Variants in KIF14 observed in about 807,000 individuals in gnomAD.
The protein encoded by KIF14 is kinesin-like protein KIF14.
KIF14 carries 98 observed loss-of-function variants against 176.2 expected under a neutral mutation model. That is an observed-to-expected ratio of 0.56 (90% confidence interval 0.47 to 0.66). The LOEUF (loss-of-function observed/expected upper bound fraction) is 0.66, where lower values mean the gene tolerates loss of function less well. KIF14 is among the 30% of genes least tolerant of loss of function. KIF14 has a pLI of 0.00. For synonymous variants in KIF14, 566 were observed against 632.2 expected (o/e 0.90, Z 1.57); for missense variants, 1,751 against 1,920.4 (o/e 0.91, Z 1.65).
At chr1:200,594,852 C>T (rs1659248465) in intron 14 of KIF14, among the ~76,000 whole-genome samples, 1 of 152,100 alleles carries the variant, frequency 6.6e-6, no homozygotes, top group Non-Finnish European at 1.5e-5. Flanking sequence ...AATAGTTCAC[C>T]CTTAGGCACT....
intron 21 of KIF14, among the ~76,000 whole-genome samples, chr1:200,576,917 C>G (rs1457957131): frequency 6.6e-6 from 1 of 151,932 alleles, no homozygotes; most frequent in Non-Finnish European, 1.5e-5. Context: ...GCAACCTTGA[C>G]CTTCCAGACT....
chr1:200,581,299 T>C lies in KIF14; in HGVS notation c.3242-5A>G. The C allele has an allele frequency of 6.4e-7, 1 of 1,560,568 alleles. No homozygotes were observed. The highest frequency in any genetic ancestry group is 8.7e-7 in the Non-Finnish European group (1 of 1,147,436). On this transcript the variant is annotated splice_region_variant and splice_polypyrimidine_tract_variant and intron_variant, in intron 19 of 29. Transcript: ENST00000367350. ...TAGAGCTCCAAGTTGTCTGCACTAA[T>C]ACAAAGCACACAGAAAAGATTCAAA...
At chr1:200,574,727 A>G (rs1425450193) in intron 22 of KIF14, among the ~76,000 whole-genome samples, 1 of 152,176 alleles carries the variant, frequency 6.6e-6, no homozygotes, top group Non-Finnish European at 1.5e-5. Flanking sequence ...TCTGAGGTCT[A>G]AGCAGAACTA....
rs561922958 is a variant in KIF14, at chr1:200,617,650, T to G, written c.1074A>C (p.Gln358His). The change falls in exon 2 of 30, where the codon CAA (glutamine) becomes CAC (histidine). Residue 358 changes from glutamine to histidine, a missense_variant. By Grantham distance (24) the Gln-to-His change is conservative (BLOSUM62 0). Transcript: ENST00000367350. The stretch of plus-strand genomic sequence containing the variant: ...GTCTTACGCGTACTGCCACTGTCAC[T>G]TGACTATTCTCTACTTTTAAGGGGT... ...GKDPLKVENS[Q>H]VTVAVRVRPF... is the part of the protein sequence containing the mutation. 26 of 1,613,254 alleles carry G rather than the reference T, an allele frequency of 1.6e-5. No individual in the cohort carries two copies. Among genetic ancestry groups the G allele is most frequent in the Non-Finnish European group, 2.1e-5 (25 of 1,179,472 alleles).
chr1:200,568,685 T>C (rs551831303), intron 23 of KIF14, among the ~76,000 whole-genome samples: 14 of 152,330 alleles, frequency 9.2e-5, no homozygotes, highest in African/African-American at 2.9e-4. Context: ...TCCCGGTTAC[T>C]AACTCCCAAC....
intron 16 of KIF14, among the ~76,000 whole-genome samples, chr1:200,591,644 C>T (rs1016395420): frequency 7.2e-5 from 11 of 152,206 alleles, no homozygotes; most frequent in African/African-American, 2.7e-4. Context: ...TCCCAGTCTT[C>T]CTCTGGCTAA....
At chr1:200,588,898 T>G (rs1004047068) in intron 18 of KIF14, among the ~76,000 whole-genome samples, 12 of 152,248 alleles carry the variant, frequency 7.9e-5, no homozygotes, top group Non-Finnish European at 1.5e-4. Context: ...GTGCCTTTTT[T>G]CCTTCCTCAT....
At chr1:200,590,749 GCA>G (rs1309236428) in intron 16 of KIF14, among the ~76,000 whole-genome samples, 1 of 152,202 alleles carries the variant, frequency 6.6e-6, no homozygotes, top group African/African-American at 2.4e-5. Context: ...ACTAGGGTGG[GCA>G]CAGTGACTCA....
intron 22 of KIF14, among the ~76,000 whole-genome samples, chr1:200,571,456 A>G (rs1657786698): frequency 6.6e-6 from 1 of 152,146 alleles, no homozygotes; most frequent in South Asian, 2.1e-4. Context: ...CTATCTCCAT[A>G]TTGCCGTTCA....
intron 29 of KIF14, 36 bp from the exon 30 acceptor site, chr1:200,553,803 T>A (rs1571442182): frequency 6.5e-7 from 1 of 1,529,862 alleles, no homozygotes; most frequent in Non-Finnish European, 8.8e-7. Context: ...TTAATTAGCC[T>A]TTTCAGTTTT....
chr1:200,568,386 A>C (rs1281180833), intron 23 of KIF14, among the ~76,000 whole-genome samples: 2 of 152,210 alleles, frequency 1.3e-5, no homozygotes, highest in Non-Finnish European at 2.9e-5. Flanking sequence ...CCTTAGATTA[A>C]ATAAGTAGTA....
chr1:200,603,410 T>A, intron 9 of KIF14, 69 bp from the exon 10 acceptor site: 1 of 759,860 alleles, frequency 1.3e-6, no homozygotes, highest in Non-Finnish European at 2.3e-6. Context: ...TCACAAAATA[T>A]ATTTCTCCCC....
At chr1:200,612,000 CT>C (rs79821962) in intron 4 of KIF14, among the ~76,000 whole-genome samples, 9 of 148,666 alleles carry the variant, frequency 6.1e-5, no homozygotes, top group East Asian at 3.9e-4. Context: ...AGTCCATGCT[CT>C]TTTTTTTTTT....
rs1425974235 is a variant in KIF14, at chr1:200,603,875, G to C, written c.1827C>G (p.Arg609=). The C allele has an allele frequency of 2.5e-6, 4 of 1,612,600 alleles. No homozygotes were observed. The highest frequency in any genetic ancestry group is 1.3e-5 in the African/African-American group (1 of 74,878). ...INLIDLAGSE[R]CSTAHTNGDR... ...CTCCATTAGTGTGAGCCGTAGAGCA[G>C]CGCTCACTGCCTGCCAGATCTATTA... The change falls in exon 9 of 30, where the codon CGC becomes CGG. Residue 609 remains arginine, a synonymous_variant. Transcript: ENST00000367350.
rs1175412694 is a variant in KIF14, at chr1:200,617,948, A to G, written c.776T>C (p.Ile259Thr). 1.2e-6 allele frequency: 2 copies of G among 1,613,920 alleles called. No homozygotes were observed. Among genetic ancestry groups the G allele is most frequent in the Middle Eastern group, 1.7e-4 (1 of 6,060 alleles). The stretch of plus-strand genomic sequence containing the variant: ...TGAAGTTTTTGCAATTTCCTTCCCA[A>G]TACTTCTATGATACAAGTTTCCTGT... ...LGTGNLYHRS[I>T]GKEIAKTSNK... is the part of the protein sequence containing the mutation. The change falls in exon 2 of 30, where the codon ATT becomes ACT. Residue 259 changes from isoleucine (I) to threonine (T), a missense_variant. Ile to Thr is a moderately conservative substitution (Grantham distance 89). Transcript: ENST00000367350.
intron 13 of KIF14, among the ~76,000 whole-genome samples, chr1:200,599,392 C>A (rs1659518181): frequency 6.6e-6 from 1 of 152,172 alleles, no homozygotes; most frequent in African/African-American, 2.4e-5. Context: ...AGAATTTTCT[C>A]TTCCAAGAAT....
At chr1:200,571,535 C>G (rs1571481573) in intron 22 of KIF14, among the ~76,000 whole-genome samples, 2 of 152,134 alleles carry the variant, frequency 1.3e-5, no homozygotes, top group African/African-American at 4.8e-5. Context: ...TGATCTAGAT[C>G]TAAATTTAGT....
chr1:200,606,669 A>G, intron 6 of KIF14, 77 bp downstream of exon 6: 1 of 1,286,524 alleles, frequency 7.8e-7, no homozygotes, highest in Non-Finnish European at 1.1e-6. Flanking sequence ...TGAGAATACA[A>G]TAAAGATTAT....
chr1:200,616,069 A>T (rs1175191395), intron 2 of KIF14, among the ~76,000 whole-genome samples: 1 of 152,140 alleles, frequency 6.6e-6, no homozygotes, highest in African/African-American at 2.4e-5. Flanking sequence ...TTGGCTACTA[A>T]AGATCTCTCC....
Sources: allele counts gnomAD v4.1 joint callset (sites outside exome capture counted in the v4.1 genomes callset), GRCh38; gene constraint gnomAD v4.1.1; transcripts MANE v1.5; gene names NCBI Gene and HGNC (gene_info 2026-07-23, HGNC 2026-07-21).